CAGE1: variants seen among roughly 807,000 people sequenced by gnomAD.
The protein encoded by CAGE1 is cancer antigen 1.
A neutral mutation model predicts 94.9 loss-of-function variants in CAGE1; 66 were observed. The observed-to-expected ratio is 0.70, with a 90% CI of 0.57 to 0.85. The LOEUF (loss-of-function observed/expected upper bound fraction) is 0.85, where lower values mean the gene tolerates loss of function less well. CAGE1 is among the 40% of genes least tolerant of loss of function. The pLI, the probability that CAGE1 is intolerant of heterozygous loss-of-function variation, is 0.00. For missense variants in CAGE1, 865 were observed against 950.4 expected, an observed-to-expected ratio of 0.91 and a Z score of 1.18; for synonymous variants, 319 against 321.0, an observed-to-expected ratio of 0.99 and a Z score of 0.07.
chr6:7,345,816 T>G (rs1385897619), intron 11 of CAGE1, among the ~76,000 whole-genome samples: 1 of 151,950 alleles, frequency 6.6e-6, no homozygotes, highest in Non-Finnish European at 1.5e-5. Flanking sequence ...TCCCAGCTAC[T>G]TGGGAGGCTG....
At chr6:7,366,103 G>A (rs1455111684) in intron 7 of CAGE1, among the ~76,000 whole-genome samples, 2 of 151,826 alleles carry the variant, frequency 1.3e-5, no homozygotes, top group African/African-American at 4.8e-5. Context: ...AAAATTATCC[G>A]GGCATGGTGG....
intron 11 of CAGE1, among the ~76,000 whole-genome samples, chr6:7,344,209 G>A (rs1759312068): frequency 6.6e-6 from 1 of 152,212 alleles, no homozygotes; most frequent in East Asian, 1.9e-4. Context: ...CTTGCAGGGA[G>A]GTGTAGAGGG....
At chr6:7,344,438 C>T (rs1372191779) in intron 11 of CAGE1, among the ~76,000 whole-genome samples, 2 of 152,254 alleles carry the variant, frequency 1.3e-5, no homozygotes, top group Admixed American at 6.5e-5. Flanking sequence ...CTCACCGTGC[C>T]TTAGCTGCCT....
intron 4 of CAGE1, among the ~76,000 whole-genome samples, chr6:7,377,752 C>T (rs1467281336): frequency 1.3e-5 from 2 of 151,860 alleles, no homozygotes; most frequent in African/African-American, 4.8e-5. Context: ...CAAAACAAAA[C>T]AACAAAAAAA....
chr6:7,341,381 T>A, intron 11 of CAGE1: 4 of 798,756 alleles, frequency 5.0e-6, no homozygotes, highest in Non-Finnish European at 8.6e-6. Context: ...TTTTCATGCT[T>A]AGGACACTGT....
intron 11 of CAGE1, among the ~76,000 whole-genome samples, chr6:7,353,642 A>G (rs1166225924): frequency 1.3e-5 from 2 of 151,650 alleles, no homozygotes; most frequent in Non-Finnish European, 2.9e-5. Context: ...CATGGAAGCA[A>G]CCCAAATGCC....
intron 11 of CAGE1, among the ~76,000 whole-genome samples, chr6:7,351,529 TAAAAA>T (rs1376502489): frequency 1.8e-5 from 1 of 56,186 alleles, no homozygotes; most frequent in African/African-American, 9.8e-5. Context: ...TAAAGTATAA[TAAAAA>T]TAAAATAAAA....
chr6:7,342,489 G>T (rs1454364589), intron 11 of CAGE1, among the ~76,000 whole-genome samples: 1 of 152,112 alleles, frequency 6.6e-6, no homozygotes, highest in Non-Finnish European at 1.5e-5. Flanking sequence ...GCACAGGAAG[G>T]GTGTCTGACT....
intron 9 of CAGE1, among the ~76,000 whole-genome samples, chr6:7,358,027 G>GAGATAT (rs1314868882): frequency 8.3e-5 from 4 of 48,072 alleles, no homozygotes; most frequent in East Asian, 1.1e-3. Flanking sequence ...TAAGTTTTGA[G>GAGATAT]ATATATATAT....
At chr6:7,347,867 C>T (rs1759621327) in intron 11 of CAGE1, among the ~76,000 whole-genome samples, 1 of 152,158 alleles carries the variant, frequency 6.6e-6, no homozygotes, top group African/African-American at 2.4e-5. Context: ...TACACAACTC[C>T]AGTGACCTAG....
At chr6:7,382,495 G>T (rs1356668091) in intron 3 of CAGE1, among the ~76,000 whole-genome samples, 2 of 151,236 alleles carry the variant, frequency 1.3e-5, no homozygotes, top group African/African-American at 2.4e-5. Context: ...AGAGGCGGGG[G>T]TTTCACCATA....
In CAGE1 at chr6:7,368,753, CCTT is replaced by C. The variant is rs776023609; in HGVS notation, c.1936_1938del (p.Lys646del). 1.9e-5 allele frequency: 30 copies of C among 1,560,090 alleles called. No homozygotes were observed. Among genetic ancestry groups the C allele is most frequent in the Admixed American group, 5.7e-5 (3 of 52,320 alleles). ...AGTTTTTGCAGCATTATATCACTAA[CCTT>C]CTCACTCTCTTTGAAATGTTCAGCA... On this transcript the variant is annotated inframe_deletion, in exon 7 of 14. Coordinates refer to ENST00000502583, the MANE Select transcript of CAGE1 (RefSeq NM_001170692.2).
rs535316193 is a variant in CAGE1 at position 7,348,627 on chromosome 6, C to T, written c.2369+6414G>A. On this transcript the variant is annotated intron_variant, in intron 11 of 13. Coordinates refer to ENST00000502583, the MANE Select transcript of CAGE1 (RefSeq NM_001170692.2). ...AGTTATTAAGCTAATCAGGGAGGCA[C>T]CAGAGAAAGGTGAAGTCCAATTCAA... 6.6e-5 allele frequency among the ~76,000 whole-genome samples: 10 copies of T among 151,836 alleles called. No homozygotes were observed. The South Asian group carries it at 2.1e-3, about 32-fold the overall frequency.
intron 11 of CAGE1, among the ~76,000 whole-genome samples, chr6:7,354,713 T>C (rs938950592): frequency 2.0e-5 from 3 of 152,222 alleles, no homozygotes; most frequent in Non-Finnish European, 4.4e-5. Flanking sequence ...ATTCAATATC[T>C]TTTTGTGAGT....
In CAGE1 at chr6:7,373,607, T is replaced by C; in HGVS notation, c.1212A>G (p.Glu404=). ...KHLQESRNDK[E]MLQLQFKKIK... is the part of the protein sequence containing the mutation. ...TCTTCTTAAATTGAAGCTGTAACAT[T>C]TCCTTGTCATTCCTGGATTCCTGAA... Residue 404 remains glutamate (E), a synonymous_variant, in exon 5 of 14, where the codon GAA becomes GAG. Coordinates refer to ENST00000502583, the MANE Select transcript of CAGE1 (RefSeq NM_001170692.2). 3 of 1,613,482 alleles carry C rather than the reference T, an allele frequency of 1.9e-6. No individual in the cohort carries two copies. Among genetic ancestry groups the C allele is most frequent in the Non-Finnish European group, 2.5e-6 (3 of 1,179,784 alleles).
At chr6:7,368,578 C>A (rs974392047) in intron 7 of CAGE1, 110 bp downstream of exon 7, 57 of 566,246 alleles carry the variant, frequency 1.0e-4, no homozygotes, top group Admixed American at 1.1e-4. Flanking sequence ...TCTGGTCCCC[C>A]AAAATAATTT....
chr6:7,377,188 T>C (rs893544041), intron 4 of CAGE1, among the ~76,000 whole-genome samples: 1 of 152,200 alleles, frequency 6.6e-6, no homozygotes, highest in African/African-American at 2.4e-5. Context: ...CATCACCTAA[T>C]GTGTAGTACA....
chr6:7,345,920 A>G (rs893214654), intron 11 of CAGE1, among the ~76,000 whole-genome samples: 2 of 151,808 alleles, frequency 1.3e-5, no homozygotes, highest in African/African-American at 4.8e-5. Context: ...ACGAGAGTCC[A>G]TCTCAAAAAA....
intron 9 of CAGE1, among the ~76,000 whole-genome samples, chr6:7,365,137 G>A (rs1760283325): frequency 6.6e-6 from 1 of 152,018 alleles, no homozygotes; most frequent in African/African-American, 2.4e-5. Context: ...CTTAACCATG[G>A]CTGTTGTACA....
Sources: gnomAD v4.1 joint callset for allele counts (sites outside exome capture counted in the v4.1 genomes callset) on GRCh38, gnomAD v4.1.1 for gene constraint, MANE v1.5 for transcripts, NCBI Gene and HGNC (gene_info 2026-07-23, HGNC 2026-07-21) for gene names.